The following GTF2IRD1 variants were observed in gnomAD, a reference collection of about 807,000 sequenced individuals.
GTF2IRD1 encodes GTF2I repeat domain containing 1, also known as general transcription factor II-I repeat domain-containing protein 1.
A neutral mutation model predicts 113.2 loss-of-function variants in GTF2IRD1; 26 were observed. The ratio of observed to expected loss-of-function variants is 0.23; its 90% CI spans 0.17 to 0.32. The LOEUF is 0.32. Among genes scored for constraint, GTF2IRD1 ranks in the 10% least tolerant of loss-of-function variants. GTF2IRD1 has a pLI of 1.00. For missense variants in GTF2IRD1, 864 were observed against 1,280.8 expected (o/e 0.67, Z 4.97); for synonymous variants, 484 against 529.1 (o/e 0.91, Z 1.17).
intron 1 of GTF2IRD1, among the ~76,000 whole-genome samples, chr7:74,483,196 A>G (rs1554334975): frequency 6.6e-6 from 1 of 152,056 alleles, no homozygotes; most frequent in East Asian, 1.9e-4. Flanking sequence ...CTAAGCATAT[A>G]CTTCTCAGTG....
At chr7:74,489,417 A>G (rs1300424026) in intron 1 of GTF2IRD1, among the ~76,000 whole-genome samples, 8 of 151,868 alleles carry the variant, frequency 5.3e-5, no homozygotes, top group Non-Finnish European at 1.0e-4. Context: ...ATCTCAGCTC[A>G]CTGCAACCTC....
In GTF2IRD1 at chr7:74,555,221, A is replaced by C; in HGVS notation, c.1964A>C (p.Gln655Pro). 1 of 1,613,404 alleles carries C rather than the reference A, an allele frequency of 6.2e-7. No individual in the cohort carries two copies. The highest frequency in any genetic ancestry group is 8.5e-7 in the Non-Finnish European group (1 of 1,179,802). ...GTCAAAGAGCCCATCATGGATAGTC[A>C]AGGTACCCAGCGCGGGGTCGGGAGC... is the stretch of plus-strand genomic sequence containing the variant. ...EGVKEPIMDS[Q>P]ERDSGDPLVD... is the part of the protein sequence containing the mutation. The change falls in exon 18 of 27, where the codon CAA becomes CCA. Residue 655 changes from glutamine to proline, a missense_variant and splice_region_variant. Transcript: ENST00000424337. This position sits in a 1 kb window ranked among gnomAD's most constrained non-coding sequence, Gnocchi z 5.3.
chr7:74,538,805 G>T (rs1554350940), intron 13 of GTF2IRD1, 45 bp downstream of exon 13: 2 of 1,046,852 alleles, frequency 1.9e-6, no homozygotes, highest in African/African-American at 1.6e-5. Context: ...ATCAGGGCCG[G>T]ACCGTTAGCC....
rs587644065 is a variant in GTF2IRD1 at position 74,579,097 on chromosome 7, G to T, written c.2321-10754G>T. ...AACACTTTGGGAGGCTGAGGCGGAA[G>T]AATTGCTTGAAGCCAGGAGTTTGAG... On this transcript the variant is annotated intron_variant, in intron 22 of 26. Coordinates refer to ENST00000424337, the MANE Select transcript of GTF2IRD1 (RefSeq NM_005685.4). 2.6e-5 allele frequency among the ~76,000 whole-genome samples: 4 copies of T among 152,192 alleles called. No homozygotes were observed. The East Asian group carries it at 7.7e-4, about 29-fold the overall frequency.
chr7:74,454,781 C>T (rs1375130026), intron 1 of GTF2IRD1, among the ~76,000 whole-genome samples: 2 of 152,090 alleles, frequency 1.3e-5, no homozygotes, highest in Non-Finnish European at 2.9e-5. Context: ...CAGAAGGTGG[C>T]AGTGGGGGGA....
chr7:74,569,918 C>G (rs1233978300), intron 22 of GTF2IRD1, among the ~76,000 whole-genome samples: 1 of 152,060 alleles, frequency 6.6e-6, no homozygotes, highest in African/African-American at 2.4e-5. Flanking sequence ...AGGCTGGGGG[C>G]CTCTCAGAAG....
intron 24 of GTF2IRD1, among the ~76,000 whole-genome samples, chr7:74,592,579 G>A (rs1161932559): frequency 6.6e-6 from 1 of 150,620 alleles, no homozygotes; most frequent in Non-Finnish European, 1.5e-5. Flanking sequence ...TTGTTACTCA[G>A]GCTAGAGTGC....
intron 26 of GTF2IRD1, chr7:74,601,616 T>C (rs1554374154): frequency 5.6e-6 from 3 of 532,314 alleles, no homozygotes; most frequent in Admixed American, 7.5e-5. Context: ...CTACTAAAAA[T>C]ACAAAATTAG....
chr7:74,531,298 G>A (rs782239186), intron 9 of GTF2IRD1, among the ~76,000 whole-genome samples: 1 of 151,982 alleles, frequency 6.6e-6, no homozygotes, highest in Non-Finnish European at 1.5e-5. Flanking sequence ...TTGAATTCGG[G>A]CGACAGAGAT....
chr7:74,520,842 CTATTATTATTATTAT>C (rs200488760), intron 6 of GTF2IRD1, among the ~76,000 whole-genome samples: 280 of 129,084 alleles, frequency 2.2e-3, no homozygotes, highest in African/African-American at 7.0e-3. Context: ...GTTATATATA[CTATTATTATTATTAT>C]TATTATTATT....
At chr7:74,480,976 C>T (rs1554334527) in intron 1 of GTF2IRD1, among the ~76,000 whole-genome samples, 1 of 152,086 alleles carries the variant, frequency 6.6e-6, no homozygotes, top group African/African-American at 2.4e-5. Flanking sequence ...ATCGGCTTCC[C>T]CCAGCCCCTC....
intron 17 of GTF2IRD1, among the ~76,000 whole-genome samples, chr7:74,553,201 C>G (rs1385036510): frequency 2.6e-5 from 4 of 151,588 alleles, no homozygotes; most frequent in Admixed American, 2.6e-4. Flanking sequence ...GCTGTCTCGG[C>G]TCACTGTAGC....
intron 11 of GTF2IRD1, among the ~76,000 whole-genome samples, chr7:74,537,412 C>T (rs1426468665): frequency 8.0e-6 from 1 of 125,076 alleles, no homozygotes; most frequent in Non-Finnish European, 1.7e-5. Context: ...GACTCCGTCT[C>T]AAAAAAAAAA....
chr7:74,504,655 GGAA>G (rs1369707511), intron 1 of GTF2IRD1, among the ~76,000 whole-genome samples: 1 of 151,556 alleles, frequency 6.6e-6, no homozygotes, highest in African/African-American at 2.4e-5. Flanking sequence ...GAGTGATGCT[GGAA>G]GAAGGATAGT....
chr7:74,580,888 A>T (rs1801376553), intron 22 of GTF2IRD1, among the ~76,000 whole-genome samples: 1 of 152,184 alleles, frequency 6.6e-6, no homozygotes. Context: ...ATTTCCAAAC[A>T]GAGAACACTC....
intron 1 of GTF2IRD1, among the ~76,000 whole-genome samples, chr7:74,485,935 A>AC (rs1326557107): frequency 6.6e-6 from 1 of 150,892 alleles, no homozygotes; most frequent in African/African-American, 2.5e-5. Flanking sequence ...TTAAAAAAAA[A>AC]GAAGAAGAAA....
intron 2 of GTF2IRD1, among the ~76,000 whole-genome samples, chr7:74,508,686 G>A (rs1463378467): frequency 8.1e-6 from 1 of 123,550 alleles, no homozygotes; most frequent in South Asian, 2.5e-4. Flanking sequence ...GCAAGACTCC[G>A]TCTTAAAAAA....
chr7:74,535,492 C>T (rs1444192573), intron 10 of GTF2IRD1, among the ~76,000 whole-genome samples: 1 of 152,228 alleles, frequency 6.6e-6, no homozygotes, highest in Non-Finnish European at 1.5e-5. Flanking sequence ...CTCCACTCCA[C>T]TACTCTCACG....
At chr7:74,499,049 G>A (rs1795878534) in intron 1 of GTF2IRD1, among the ~76,000 whole-genome samples, 1 of 152,204 alleles carries the variant, frequency 6.6e-6, no homozygotes, top group African/African-American at 2.4e-5. Context: ...AATTCTCTCT[G>A]GACACACTGG....
Sources: allele counts gnomAD v4.1 joint callset (sites outside exome capture counted in the v4.1 genomes callset), GRCh38; gene constraint gnomAD v4.1.1; non-coding constraint Gnocchi (gnomAD v3.1); transcripts MANE v1.5; gene names NCBI Gene and HGNC (gene_info 2026-07-23, HGNC 2026-07-21).